Variants in CLIP1 observed in about 807,000 individuals in gnomAD.
CLIP1 encodes the protein CAP-Gly domain-containing linker protein 1.
Under a neutral mutation model 161.6 loss-of-function variants are expected in CLIP1, and 66 were observed. That is an observed-to-expected ratio of 0.41 (90% CI 0.33 to 0.50). CLIP1 has a LOEUF of 0.50. Among genes scored for constraint, CLIP1 ranks in the 20% least tolerant of loss-of-function variants. The pLI, the probability that CLIP1 is intolerant of heterozygous loss-of-function variation, is 0.27. For synonymous variants in CLIP1, 598 were observed against 626.2 expected (o/e 0.96, Z 0.67); for missense variants, 1,376 against 1,702.0 (o/e 0.81, Z 3.37).
intron 7 of CLIP1, among the ~76,000 whole-genome samples, chr12:122,353,363 C>T (rs1010822403): frequency 6.6e-6 from 1 of 152,074 alleles, no homozygotes; most frequent in Non-Finnish European, 1.5e-5. Flanking sequence ...ATAAAATAAG[C>T]CACCTGTAAT....
intron 19 of CLIP1, among the ~76,000 whole-genome samples, chr12:122,315,919 G>C (rs1175242954): frequency 1.3e-5 from 2 of 151,402 alleles, no homozygotes; most frequent in Non-Finnish European, 2.9e-5. Flanking sequence ...GGGATTACAG[G>C]CATGAACCAC....
intron 3 of CLIP1, chr12:122,365,431 G>A: frequency 2.6e-6 from 2 of 780,828 alleles, no homozygotes; most frequent in East Asian, 2.4e-5. Flanking sequence ...TGCGTATGGA[G>A]CACATTAAGC....
At chr12:122,352,891 C>T in intron 7 of CLIP1, 105 bp from the exon 8 acceptor site, 1 of 910,970 alleles carries the variant, frequency 1.1e-6, no homozygotes, top group South Asian at 1.4e-5. Flanking sequence ...TGGTAGGCCA[C>T]TCCTATAATC....
chr12:122,379,493 A>G (rs767576964), intron 2 of CLIP1, among the ~76,000 whole-genome samples: 4 of 151,548 alleles, frequency 2.6e-5, no homozygotes, highest in Non-Finnish European at 5.9e-5. Context: ...GCGCGCCTGT[A>G]ATCCCAGCTA....
intron 5 of CLIP1, among the ~76,000 whole-genome samples, chr12:122,356,325 G>A (rs1158924347): frequency 6.6e-6 from 1 of 152,118 alleles, no homozygotes; most frequent in Non-Finnish European, 1.5e-5. Flanking sequence ...GAAACACAGC[G>A]ACATCTGCTG....
At chr12:122,368,062 G>A (rs969040888) in intron 3 of CLIP1, among the ~76,000 whole-genome samples, 7 of 152,234 alleles carry the variant, frequency 4.6e-5, no homozygotes, top group South Asian at 2.1e-4. Context: ...CAGAATGTTA[G>A]CATGTAACTC....
At chr12:122,361,698 TC>T (rs1158657295) in intron 4 of CLIP1, among the ~76,000 whole-genome samples, 1 of 152,096 alleles carries the variant, frequency 6.6e-6, no homozygotes, top group Admixed American at 6.6e-5. Context: ...AGACCCCGTC[TC>T]TACAAAAAAT....
rs141440932 is a variant in CLIP1, at chr12:122,364,277, A to G, written c.658-170T>C. On this transcript the variant is annotated intron_variant, in intron 3 of 25. Transcript: ENST00000620786. ...CTCTTGAAGGAAGTCTGGCAAAGAA[A>G]CTTACCTGGCTGACTTATATTACCA... Among the ~76,000 whole-genome samples, 437 of 152,296 alleles carry G rather than the reference A, an allele frequency of 2.9e-3. 2 individuals are homozygous for G. Among genetic ancestry groups the G allele is most frequent in the African/African-American group, 0.01 (420 of 41,570 alleles).
intron 3 of CLIP1, among the ~76,000 whole-genome samples, chr12:122,366,887 T>G (rs552238478): frequency 4.8e-4 from 73 of 152,326 alleles, no homozygotes; most frequent in African/African-American, 1.7e-3. Context: ...GACCTTTTAG[T>G]ACTCGTTAGT....
In CLIP1 at chr12:122,274,182, A is replaced by T. The variant is rs1037967904; in HGVS notation, c.3967-20T>A. ...ATCAATCTGATTTGTTAAAAAAAAA[A>T]TGTGTAAAATGTCAAGAATATATAT... On this transcript the variant is annotated intron_variant, in intron 24 of 25. Coordinates refer to ENST00000620786, the MANE Select transcript of CLIP1 (RefSeq NM_001247997.2). The T allele has an allele frequency of 1.3e-6, 2 of 1,553,482 alleles. No homozygotes were observed. Among genetic ancestry groups the T allele is most frequent in the East Asian group, 2.3e-5 (1 of 44,348 alleles).
chr12:122,422,092 G>A (rs1397205177), intron 1 of CLIP1, among the ~76,000 whole-genome samples: 1 of 152,172 alleles, frequency 6.6e-6, no homozygotes, highest in Non-Finnish European at 1.5e-5. Context: ...GACAGGCGCG[G>A]CGCCCGGGGC....
chr12:122,293,674 C>T (rs1950345008), intron 20 of CLIP1, among the ~76,000 whole-genome samples: 1 of 151,808 alleles, frequency 6.6e-6, no homozygotes, highest in African/African-American at 2.4e-5. Flanking sequence ...GACAGGTTTT[C>T]TCCACGTTGA....
At chr12:122,393,305 C>T (rs1377568782) in intron 1 of CLIP1, among the ~76,000 whole-genome samples, 2 of 151,870 alleles carry the variant, frequency 1.3e-5, no homozygotes, top group Non-Finnish European at 2.9e-5. Flanking sequence ...GGATTACAGG[C>T]GTGTGCCACC....
chr12:122,278,852 T>G lies in CLIP1; in HGVS notation c.3856A>C (p.Lys1286Gln). The G allele has an allele frequency of 6.2e-7, 1 of 1,612,444 alleles. No individual in the cohort carries two copies. Among genetic ancestry groups the G allele is most frequent in the Non-Finnish European group, 8.5e-7 (1 of 1,179,512 alleles). Residue 1286 changes from lysine (K) to glutamine (Q), a missense_variant, in exon 23 of 26, where the codon AAG becomes CAG. Physicochemically the swap from Lys to Gln is moderately conservative, Grantham distance 53 (BLOSUM62 1). Transcript: ENST00000620786. ...AGTTGAAGCTCCAAGTTCTTTACCT[T>G]GAGCTCGAGCTTCACCTTATCAGAC... Reference protein sequence around the residue: ...LESDKVKLELKVKNLELQLKE... With the variant: ...LESDKVKLELQVKNLELQLKE...
intron 1 of CLIP1, among the ~76,000 whole-genome samples, chr12:122,403,516 T>C (rs1160142012): frequency 4.5e-4 from 67 of 149,960 alleles, no homozygotes; most frequent in Admixed American, 1.6e-3. Context: ...TTTTTTTTTT[T>C]TTTGGTCTGT....
intron 1 of CLIP1, among the ~76,000 whole-genome samples, chr12:122,420,601 T>G (rs953755175): frequency 2.6e-5 from 4 of 152,128 alleles, no homozygotes; most frequent in African/African-American, 9.7e-5. Context: ...GGCACAAGCC[T>G]TTGGCCAAGC....
intron 5 of CLIP1, among the ~76,000 whole-genome samples, chr12:122,359,848 C>A (rs1953690326): frequency 1.3e-5 from 2 of 152,202 alleles, no homozygotes; most frequent in South Asian, 4.1e-4. Context: ...CGGTTCCCCA[C>A]CACCCAGCGG....
chr12:122,363,621 A>T (rs937080068), intron 4 of CLIP1, among the ~76,000 whole-genome samples: 1 of 152,090 alleles, frequency 6.6e-6, no homozygotes, highest in Non-Finnish European at 1.5e-5. Context: ...CTTTTCCCTA[A>T]TAAAGGTGGC....
At chr12:122,285,906 C>A (rs1056651342) in intron 21 of CLIP1, among the ~76,000 whole-genome samples, 18 of 151,180 alleles carry the variant, frequency 1.2e-4, no homozygotes, top group African/African-American at 3.4e-4. Flanking sequence ...AATTAAATAC[C>A]CCGAGGCCCA....
Sources: gnomAD v4.1 joint callset for allele counts (sites outside exome capture counted in the v4.1 genomes callset) on GRCh38, gnomAD v4.1.1 for gene constraint, MANE v1.5 for transcripts, NCBI Gene and HGNC (gene_info 2026-07-23, HGNC 2026-07-21) for gene names.